Variants in ZMAT4 observed in about 807,000 individuals in gnomAD.
The protein encoded by ZMAT4 is zinc finger matrin-type protein 4.
ZMAT4 carries 17 observed loss-of-function variants against 28.7 expected under a neutral mutation model. The ratio of observed to expected loss-of-function variants is 0.59; its 90% confidence interval spans 0.41 to 0.89. ZMAT4 has a LOEUF of 0.89. Among genes scored for constraint, ZMAT4 ranks in the 40% least tolerant of loss-of-function variants. The probability of loss-of-function intolerance (pLI) is 0.00; values close to 1 mark genes in which losing one functional copy is unlikely to be tolerated. For synonymous variants in ZMAT4, 117 were observed against 109.2 expected (o/e 1.07, Z -0.44); for missense variants, 240 against 283.8 (o/e 0.85, Z 1.11).
At chr8:40,835,764 T>C (rs1816457433) in intron 1 of ZMAT4, among the ~76,000 whole-genome samples, 1 of 152,158 alleles carries the variant, frequency 6.6e-6, no homozygotes, top group South Asian at 2.1e-4. Flanking sequence ...GGAAAACTAT[T>C]ATTTTTATTT....
intron 3 of ZMAT4, among the ~76,000 whole-genome samples, chr8:40,739,979 C>G (rs1203761917): frequency 6.6e-6 from 1 of 152,120 alleles, no homozygotes; most frequent in African/African-American, 2.4e-5. Context: ...TGAACTCATT[C>G]TTTTTATGGC....
intron 1 of ZMAT4, among the ~76,000 whole-genome samples, chr8:40,865,043 A>G (rs149500535): frequency 6.4e-4 from 97 of 152,300 alleles, no homozygotes; most frequent in African/African-American, 2.2e-3. Context: ...TGCAAGGTCA[A>G]GCAAAAATGT....
intron 1 of ZMAT4, among the ~76,000 whole-genome samples, chr8:40,859,365 A>T (rs1355851255): frequency 6.6e-6 from 1 of 151,810 alleles, no homozygotes; most frequent in Non-Finnish European, 1.5e-5. Flanking sequence ...CCCTTTTTCC[A>T]TCCTCCTCCC....
chr8:40,621,424 C>T (rs1191327593), intron 5 of ZMAT4, among the ~76,000 whole-genome samples: 1 of 152,104 alleles, frequency 6.6e-6, no homozygotes, highest in Non-Finnish European at 1.5e-5. Context: ...TCAGCTGGTG[C>T]TAATGAGCCC....
At chr8:40,795,261 G>T (rs1203759760) in intron 2 of ZMAT4, among the ~76,000 whole-genome samples, 1 of 152,070 alleles carries the variant, frequency 6.6e-6, no homozygotes, top group African/African-American at 2.4e-5. Flanking sequence ...TGTGGCCAAT[G>T]GTTTGCACAC....
At chr8:40,698,868 G>A (rs2150496037) in intron 3 of ZMAT4, among the ~76,000 whole-genome samples, 1 of 152,136 alleles carries the variant, frequency 6.6e-6, no homozygotes, top group East Asian at 1.9e-4. Flanking sequence ...TCAGTGAGTG[G>A]AAGGGACCAC....
chr8:40,836,122 G>GT (rs1030536435), intron 1 of ZMAT4, among the ~76,000 whole-genome samples: 2 of 152,166 alleles, frequency 1.3e-5, no homozygotes, highest in African/African-American at 4.8e-5. Flanking sequence ...TTGACATCTT[G>GT]TGACACCCCC....
intron 4 of ZMAT4, among the ~76,000 whole-genome samples, chr8:40,691,463 C>T (rs1272561537): frequency 6.6e-6 from 1 of 151,264 alleles, no homozygotes; most frequent in African/African-American, 2.4e-5. Flanking sequence ...AACAAGAAGG[C>T]AGAATGTCAC....
chr8:40,872,408 C>T (rs1409537329), intron 1 of ZMAT4, among the ~76,000 whole-genome samples: 2 of 152,210 alleles, frequency 1.3e-5, no homozygotes, highest in Non-Finnish European at 2.9e-5. Flanking sequence ...GTGACTCCCC[C>T]TCCCTGTAGG....
intron 1 of ZMAT4, among the ~76,000 whole-genome samples, chr8:40,851,171 A>G (rs1817090807): frequency 1.3e-5 from 2 of 152,100 alleles, no homozygotes; most frequent in Non-Finnish European, 1.5e-5. Context: ...TGCTAAAAAT[A>G]TAAAACTTAG....
At chr8:40,806,777 T>C (rs1465098949) in intron 2 of ZMAT4, among the ~76,000 whole-genome samples, 1 of 151,992 alleles carries the variant, frequency 6.6e-6, no homozygotes, top group African/African-American at 2.4e-5. Flanking sequence ...GAGTGCAAGA[T>C]TTTTGATGTG....
chr8:40,878,060 A>T (rs1411507749), intron 1 of ZMAT4, among the ~76,000 whole-genome samples: 1 of 152,218 alleles, frequency 6.6e-6, no homozygotes, highest in Non-Finnish European at 1.5e-5. Context: ...CACAATAGCC[A>T]CTGAATTTTC....
chr8:40,605,828 T>C (rs1039770054), intron 5 of ZMAT4, among the ~76,000 whole-genome samples: 1 of 152,198 alleles, frequency 6.6e-6, no homozygotes, highest in African/African-American at 2.4e-5. Context: ...GTAATTGTTT[T>C]GTAGATTTAG....
intron 1 of ZMAT4, among the ~76,000 whole-genome samples, chr8:40,832,868 T>C (rs550970146): frequency 6.6e-6 from 1 of 152,278 alleles, no homozygotes; most frequent in African/African-American, 2.4e-5. Flanking sequence ...GGGAGGGAAG[T>C]ATGGGAGTGA....
At chr8:40,895,874 G>A (rs994956076) in intron 1 of ZMAT4, among the ~76,000 whole-genome samples, 4 of 152,170 alleles carry the variant, frequency 2.6e-5, no homozygotes, top group African/African-American at 9.7e-5. Context: ...GGGCTCCCTG[G>A]GGGTCACGTG....
chr8:40,865,593 G>A (rs762183952), intron 1 of ZMAT4, among the ~76,000 whole-genome samples: 1 of 152,204 alleles, frequency 6.6e-6, no homozygotes. Flanking sequence ...CCAGCTGGGG[G>A]ATTGAAATAC....
At chr8:40,662,209 G>T (rs1005402949) in intron 5 of ZMAT4, among the ~76,000 whole-genome samples, 1 of 151,978 alleles carries the variant, frequency 6.6e-6, no homozygotes, top group Non-Finnish European at 1.5e-5. Context: ...TCGAATTCCC[G>T]TGCTCAAGCA....
intron 1 of ZMAT4, among the ~76,000 whole-genome samples, chr8:40,830,892 G>A (rs1816256392): frequency 6.6e-6 from 1 of 152,078 alleles, no homozygotes. Flanking sequence ...TTGTAAAATA[G>A]GAGGAAAATT....
intron 2 of ZMAT4, among the ~76,000 whole-genome samples, chr8:40,784,133 A>T (rs1015628016): frequency 6.6e-6 from 1 of 152,348 alleles, no homozygotes; most frequent in Admixed American, 6.5e-5. Flanking sequence ...AGATCATTTT[A>T]TGAGGTTGAT....
Sources: allele counts gnomAD v4.1 joint callset (sites outside exome capture counted in the v4.1 genomes callset), GRCh38; gene constraint gnomAD v4.1.1; transcripts MANE v1.5; gene names NCBI Gene and HGNC (gene_info 2026-07-23, HGNC 2026-07-21).